The following TTYH3 variants were observed in gnomAD, a reference collection of about 807,000 sequenced individuals.
The protein encoded by TTYH3 is protein tweety homolog 3.
TTYH3 carries 23 observed loss-of-function variants against 68.2 expected under a neutral mutation model. The observed-to-expected ratio is 0.34, with a 90% CI of 0.24 to 0.48. The LOEUF is 0.48. TTYH3 is among the 20% of genes least tolerant of loss of function. The pLI, the probability that TTYH3 is intolerant of heterozygous loss-of-function variation, is 0.99. For synonymous variants in TTYH3, 360 were observed against 332.8 expected (o/e 1.08, Z -0.89); for missense variants, 768 against 727.7 (o/e 1.06, Z -0.64).
At chr7:2,654,726 C>T (rs1425412439) in intron 9 of TTYH3, among the ~76,000 whole-genome samples, 3 of 152,170 alleles carry the variant, frequency 2.0e-5, no homozygotes, top group African/African-American at 7.2e-5. Context: ...CTCCCACTGT[C>T]TTCACAGGAC....
Position 2,658,291 on chromosome 7 carries a change from C to G in TTYH3, c.1256C>G (p.Pro419Arg). 1 of 1,575,826 alleles carries G rather than the reference C, an allele frequency of 6.3e-7. No homozygotes were observed. Among genetic ancestry groups the G allele is most frequent in the Non-Finnish European group, 8.6e-7 (1 of 1,159,494 alleles). ...CTGCGTGTCCCTCCTCACAGAGGCC[C>G]TGATGAGGACGGGGAGGAGGAGGCC... ...VPHTWQQKRGPDEDGEEEAAP... is the reference protein window; with the variant it reads ...VPHTWQQKRGRDEDGEEEAAP... Residue 419 changes from proline (P) to arginine (R), a missense_variant, in exon 12 of 14, where the codon CCT (proline) becomes CGT (arginine). Pro to Arg is a moderately radical substitution (Grantham distance 103, BLOSUM62 -2). Transcript: ENST00000258796.
chr7:2,649,869 G>T (rs753543133), intron 6 of TTYH3, 44 bp from the exon 7 acceptor site: 2 of 1,609,290 alleles, frequency 1.2e-6, no homozygotes, highest in Non-Finnish European at 1.7e-6. Flanking sequence ...TTCCCTTTAG[G>T]CCCAGCTTGG....
intron 1 of TTYH3, among the ~76,000 whole-genome samples, chr7:2,638,738 C>T (rs1362510766): frequency 6.6e-6 from 1 of 152,212 alleles, no homozygotes; most frequent in East Asian, 1.9e-4. Context: ...AATTTTGGGC[C>T]AGTGTCGCTG....
intron 13 of TTYH3, chr7:2,660,536 G>T (rs983437742): frequency 1.0e-6 from 1 of 985,168 alleles, no homozygotes; most frequent in African/African-American, 1.7e-5. Context: ...GGGTCTGCGC[G>T]TCTGCCCCGT....
intron 7 of TTYH3, among the ~76,000 whole-genome samples, chr7:2,651,715 C>G (rs559343145): frequency 1.3e-5 from 2 of 152,330 alleles, no homozygotes; most frequent in East Asian, 3.9e-4. Context: ...TTGTTAAATA[C>G]TTTCATCATT....
chr7:2,656,488 T>G lies in TTYH3; in HGVS notation c.1204T>G (p.Phe402Val). Residue 402 changes from phenylalanine to valine, a missense_variant, in exon 11 of 14, where the codon TTC becomes GTC. Coordinates refer to ENST00000258796, the MANE Select transcript of TTYH3 (RefSeq NM_025250.3). ...ALFSFVTALM[F>V]SSIVCSVPHT... ...CTTCTCCTTCGTCACAGCCCTCATG[T>G]TCAGCTCCATCGTCTGCAGCGTCCC... 6.2e-7 allele frequency: 1 copy of G among 1,611,672 alleles called. No homozygotes were observed. The highest frequency in any genetic ancestry group is 8.5e-7 in the Non-Finnish European group (1 of 1,179,496).
rs775545879 is a variant in TTYH3, at chr7:2,647,664, C to T, written c.626+26C>T. 2.5e-5 allele frequency: 39 copies of T among 1,537,194 alleles called. No homozygotes were observed. In the South Asian group the frequency reaches 4.7e-4, roughly 18 times the overall value. ...GTGCGGCCAGGCCCTCTTCCCTGCC[C>T]GCCCCACGTGGGAAAGCATCACCCT... On this transcript the variant is annotated intron_variant, in intron 4 of 13. Coordinates refer to ENST00000258796, the MANE Select transcript of TTYH3 (RefSeq NM_025250.3).
intron 1 of TTYH3, among the ~76,000 whole-genome samples, chr7:2,636,338 T>G (rs1785656307): frequency 6.6e-6 from 1 of 152,198 alleles, no homozygotes; most frequent in Non-Finnish European, 1.5e-5. Flanking sequence ...CATGGAACAT[T>G]TGGGGAAAAG....
chr7:2,658,301 C>G lies in TTYH3; in HGVS notation c.1266C>G (p.Asp422Glu). ...TWQQKRGPDE[D>E]GEEEAAPGPR... ...CTCCTCACAGAGGCCCTGATGAGGA[C>G]GGGGAGGAGGAGGCCGCTCCAGGGC... Residue 422 changes from aspartate to glutamate, a missense_variant, in exon 12 of 14, where the codon GAC becomes GAG. Transcript: ENST00000258796. The G allele has an allele frequency of 1.3e-6, 2 of 1,589,304 alleles. No individual in the cohort carries two copies. The highest frequency in any genetic ancestry group is 1.3e-5 in the African/African-American group (1 of 74,730).
In TTYH3 at chr7:2,645,499, C is replaced by T. The variant is rs1261669088; in HGVS notation, c.124-1354C>T. The T allele has an allele frequency of 4.9e-6, 1 of 203,404 alleles. No homozygotes were observed. The highest frequency in any genetic ancestry group is 1.1e-5 in the Non-Finnish European group (1 of 95,126). The allele number at this position is 203,404 out of a possible 1,614,324, so 12.6% of individuals were successfully genotyped here. A position where few individuals can be genotyped will look rare whatever the true frequency, so the allele number is the denominator to read the frequency against. ...CTGTGGGGGTCGCCTGGCCTCGGGA[C>T]AGGGGAGCTCTGGTGTCTGTTCTGT... On this transcript the variant is annotated intron_variant, in intron 1 of 13. Transcript: ENST00000258796. This position sits in a 1 kb window ranked among gnomAD's most constrained non-coding sequence, Gnocchi z 4.8.
intron 1 of TTYH3, among the ~76,000 whole-genome samples, chr7:2,643,542 T>A (rs1191672331): frequency 6.6e-6 from 1 of 152,128 alleles, no homozygotes; most frequent in Non-Finnish European, 1.5e-5. Context: ...CTTAGCAGCC[T>A]CTCCCCACCG....
intron 9 of TTYH3, among the ~76,000 whole-genome samples, chr7:2,655,429 A>G (rs1786305698): frequency 6.6e-6 from 1 of 152,220 alleles, no homozygotes; most frequent in Non-Finnish European, 1.5e-5. Context: ...TACAGGGGTG[A>G]GCCACCGCTC....
chr7:2,645,872 C>G lies in TTYH3; in HGVS notation c.124-981C>G. On this transcript the variant is annotated intron_variant, in intron 1 of 13. Transcript: ENST00000258796. This position sits in a 1 kb window ranked among gnomAD's most constrained non-coding sequence, Gnocchi z 4.8. ...CAGGACTACAGCTGGGGTGGGGGAT[C>G]CTGCCAGGACTCAGGTAGGAGAGTT... The G allele has an allele frequency of 2.1e-6, 1 of 470,714 alleles. No individual in the cohort carries two copies. Among genetic ancestry groups the G allele is most frequent in the Admixed American group, 2.3e-5 (1 of 42,578 alleles). The allele number at this position is 470,714 out of a possible 1,614,324, so 29.2% of individuals were successfully genotyped here.
intron 2 of TTYH3, 52 bp from the exon 3 acceptor site, chr7:2,647,090 T>TG (rs1399292520): frequency 9.0e-5 from 108 of 1,202,822 alleles, no homozygotes; most frequent in Middle Eastern, 7.8e-4. Flanking sequence ...GGGGCTGGAG[T>TG]GGGGTGTGTG....
chr7:2,642,222 C>A (rs564358074), intron 1 of TTYH3, among the ~76,000 whole-genome samples: 2 of 152,210 alleles, frequency 1.3e-5, no homozygotes, highest in Non-Finnish European at 2.9e-5. Context: ...TAGCCAGACC[C>A]TGTCTTTACA....
chr7:2,633,495 G>A (rs1018317571), intron 1 of TTYH3, among the ~76,000 whole-genome samples: 1 of 152,062 alleles, frequency 6.6e-6, no homozygotes, highest in East Asian at 1.9e-4. Flanking sequence ...GCGAGGGATC[G>A]GCCCAGGCAC....
chr7:2,633,093 C>A (rs1562704377), intron 1 of TTYH3, among the ~76,000 whole-genome samples: 1 of 152,082 alleles, frequency 6.6e-6, no homozygotes, highest in African/African-American at 2.4e-5. Flanking sequence ...GGCCCCAGCA[C>A]CACCCCCATC....
At chr7:2,637,731 A>T (rs1480638829) in intron 1 of TTYH3, among the ~76,000 whole-genome samples, 4 of 152,052 alleles carry the variant, frequency 2.6e-5, no homozygotes, top group Non-Finnish European at 5.9e-5. Context: ...TGGGTGTGGG[A>T]GGGTCACAGG....
At chr7:2,632,609 A>G (rs777893425) in intron 1 of TTYH3, among the ~76,000 whole-genome samples, 13 of 151,020 alleles carry the variant, frequency 8.6e-5, no homozygotes, top group Non-Finnish European at 1.5e-4. Flanking sequence ...GCCTCTCCCC[A>G]CTCCGTGAGC....
Sources: gnomAD v4.1 joint callset for allele counts (sites outside exome capture counted in the v4.1 genomes callset) on GRCh38, gnomAD v4.1.1 for gene constraint, Gnocchi (gnomAD v3.1) non-coding constraint, MANE v1.5 for transcripts, NCBI Gene and HGNC (gene_info 2026-07-23, HGNC 2026-07-21) for gene names.